Variants in F8 observed in about 807,000 individuals in gnomAD.
The protein encoded by F8 is antihemophilic factor.
A neutral mutation model predicts 140.6 loss-of-function variants in F8; 12 were observed. The ratio of observed to expected loss-of-function variants is 0.09; its 90% CI spans 0.05 to 0.14. F8 has a LOEUF of 0.14. Ranked by LOEUF, F8 falls within the 10% of genes least tolerant of loss-of-function variation. F8 has a pLI of 1.00. For missense variants in F8, 1,354 were observed against 1,720.7 expected (o/e 0.79, Z 3.77); for synonymous variants, 585 against 614.6 (o/e 0.95, Z 0.71).
At chrX:154,972,590 C>T (rs2073462113) in intron 6 of F8, among the ~76,000 whole-genome samples, 1 of 109,843 alleles carries the variant, frequency 9.1e-6, no homozygotes. Context: ...CTAACAAATT[C>T]TTGCCCAAAT....
At chrX:154,955,630 A>G (rs989724847) in intron 11 of F8, among the ~76,000 whole-genome samples, 7 of 110,607 alleles carry the variant, frequency 6.3e-5, no homozygotes, top group Non-Finnish European at 1.1e-4. Flanking sequence ...GTGACATCAC[A>G]TGTCGGCAGG....
chrX:154,931,004 G>A lies in F8; in HGVS notation c.2786C>T (p.Pro929Leu), dbSNP rs1557278766. The change falls in exon 14 of 26, where the codon CCA becomes CTA. Residue 929 changes from proline to leucine, a missense_variant. Physicochemically the swap from Pro to Leu is moderately conservative, Grantham distance 98. Around this residue, in one of 4 missense-constraint regions of F8, gnomAD observed 658 missense variants for 666.5 expected, o/e 0.99. Coordinates refer to ENST00000360256, the MANE Select transcript of F8 (RefSeq NM_000132.4). ...ATCTAATTGACTATCATAATGAACT[G>A]GCATACTTGGGGGTCCTAAGGAACT... Reference protein sequence around the residue: ...NTSSLGPPSMPVHYDSQLDTT... With the variant: ...NTSSLGPPSMLVHYDSQLDTT... The A allele has an allele frequency of 5.9e-6, 7 of 1,192,435 alleles. No homozygotes were observed. The highest frequency in any genetic ancestry group is 1.1e-6 in the Non-Finnish European group (1 of 886,661).
chrX:155,016,280 C>T (rs1412481438), intron 1 of F8, among the ~76,000 whole-genome samples: 1 of 110,722 alleles, frequency 9.0e-6, no homozygotes, highest in Non-Finnish European at 1.9e-5. Flanking sequence ...TCATTAAGTA[C>T]TGGCAACATC....
intron 5 of F8, among the ~76,000 whole-genome samples, chrX:154,985,587 C>A (rs1160140652): frequency 8.9e-6 from 1 of 112,496 alleles, no homozygotes; most frequent in Non-Finnish European, 1.9e-5. Flanking sequence ...TTGATAAGGG[C>A]TGAAGCACTG....
chrX:154,994,487 T>C (rs146444578), intron 3 of F8, among the ~76,000 whole-genome samples: 71 of 112,646 alleles, frequency 6.3e-4, no homozygotes, highest in African/African-American at 2.1e-3. Flanking sequence ...TCTGGTTGTT[T>C]AGGCCCATAG....
intron 5 of F8, among the ~76,000 whole-genome samples, chrX:154,985,877 G>C (rs190247190): frequency 9.6e-4 from 108 of 112,335 alleles, no homozygotes; most frequent in Non-Finnish European, 1.2e-3. Context: ...AGGGAGCAGA[G>C]AGGAGAAGAA....
At chrX:154,987,152 T>C (rs1018748532) in intron 5 of F8, 85 bp downstream of exon 5, 3 of 786,519 alleles carry the variant, frequency 3.8e-6, no homozygotes, top group Non-Finnish European at 5.8e-6. Flanking sequence ...GTAATGTAAT[T>C]TATGATCTTT....
At chrX:154,948,413 G>T (rs2073318344) in intron 12 of F8, among the ~76,000 whole-genome samples, 2 of 111,972 alleles carry the variant, frequency 1.8e-5, no homozygotes, top group Admixed American at 9.5e-5. Flanking sequence ...TTATGTAAAA[G>T]ATATCTTTAT....
intron 11 of F8, among the ~76,000 whole-genome samples, chrX:154,954,436 C>T (rs1400262175): frequency 8.9e-6 from 1 of 112,096 alleles, no homozygotes; most frequent in Admixed American, 9.5e-5. Context: ...AAATGAGATA[C>T]TGACTTTCCT....
At chrX:154,850,242 C>G (rs1204412229) in intron 25 of F8, among the ~76,000 whole-genome samples, 5 of 109,229 alleles carry the variant, frequency 4.6e-5, no homozygotes, top group African/African-American at 1.7e-4. Flanking sequence ...AATTCTTGTG[C>G]CTCAGCCTCC....
In F8 at chrX:154,983,145, T is replaced by C. The variant is rs1159683514; in HGVS notation, c.787+1542A>G. On this transcript the variant is annotated intron_variant, in intron 6 of 25. Transcript: ENST00000360256. ...TTTTATCTATTCTTAGTACTTTCTA[T>C]TGAGTTTCTATTTTGACCATTGTGT... 2.7e-5 allele frequency among the ~76,000 whole-genome samples: 3 copies of C among 112,419 alleles called. No individual in the cohort carries two copies. In the East Asian group the frequency reaches 8.3e-4, roughly 31 times the overall value.
chrX:154,932,258 G>A (rs2073202353), intron 13 of F8, among the ~76,000 whole-genome samples: 1 of 112,221 alleles, frequency 8.9e-6, no homozygotes, highest in South Asian at 3.7e-4. Context: ...TCACCCACTT[G>A]CAGAATATGT....
At chrX:154,863,713 T>G in intron 22 of F8, among the ~76,000 whole-genome samples, 1 of 110,558 alleles carries the variant, frequency 9.0e-6, no homozygotes, top group East Asian at 2.8e-4. Context: ...AGGTAGGAGG[T>G]TGAGAAACCC....
chrX:154,842,800 CT>C (rs782357831), intron 25 of F8, among the ~76,000 whole-genome samples: 6 of 110,492 alleles, frequency 5.4e-5, no homozygotes, highest in Admixed American at 9.6e-5. Context: ...TTTGCAATTT[CT>C]TTTTTTTTAT....
At chrX:154,961,900 A>G (rs892536837) in intron 9 of F8, among the ~76,000 whole-genome samples, 69 of 111,450 alleles carry the variant, frequency 6.2e-4, no homozygotes, top group Non-Finnish European at 7.7e-4. Flanking sequence ...ACCGAGAAGC[A>G]TTGCTTCCTG....
chrX:154,853,245 A>G (rs1346199827), intron 25 of F8, among the ~76,000 whole-genome samples: 2 of 111,217 alleles, frequency 1.8e-5, no homozygotes, highest in Non-Finnish European at 3.8e-5. Context: ...AATTGTTAGT[A>G]TATAAAAATA....
At chrX:154,845,211 T>C (rs1237439046) in intron 25 of F8, among the ~76,000 whole-genome samples, 3 of 112,001 alleles carry the variant, frequency 2.7e-5, no homozygotes, top group Non-Finnish European at 3.8e-5. Context: ...TTATTGAGGA[T>C]TTTTGCATCA....
At chrX:154,860,766 C>T (rs895720949) in intron 24 of F8, among the ~76,000 whole-genome samples, 158 bp from the exon 25 acceptor site, 2 of 112,384 alleles carry the variant, frequency 1.8e-5, no homozygotes, top group African/African-American at 3.2e-5. Flanking sequence ...ATGGCATGAT[C>T]TCAGCTCACT....
At chrX:154,978,833 C>G (rs2073501771) in intron 6 of F8, among the ~76,000 whole-genome samples, 1 of 109,353 alleles carries the variant, frequency 9.1e-6, no homozygotes, top group Non-Finnish European at 1.9e-5. Context: ...ATGTAGTAGC[C>G]TCTGTATAAG....
Sources: gnomAD v4.1 joint callset for allele counts (sites outside exome capture counted in the v4.1 genomes callset) on GRCh38, gnomAD v4.1.1 for gene constraint, gnomAD v4.1.1 regional missense constraint, MANE v1.5 for transcripts, NCBI Gene and HGNC (gene_info 2026-07-23, HGNC 2026-07-21) for gene names.